The following LDLRAD4 variants were observed in gnomAD, a reference collection of about 807,000 sequenced individuals.
LDLRAD4 encodes the protein low-density lipoprotein receptor class A domain-containing protein 4.
A neutral mutation model predicts 17.0 loss-of-function variants in LDLRAD4; 5 were observed. That is an observed-to-expected ratio of 0.29 (90% CI 0.15 to 0.62). The LOEUF is 0.62. LDLRAD4 is among the 20% of genes least tolerant of loss of function. The probability of loss-of-function intolerance (pLI) is 0.84; values close to 1 mark genes in which losing one functional copy is unlikely to be tolerated. For missense variants in LDLRAD4, 340 were observed against 424.7 expected (o/e 0.80, Z 1.75); for synonymous variants, 168 against 171.8 (o/e 0.98, Z 0.17).
At chr18:13,412,055 G>A (rs2088418377) in intron 2 of LDLRAD4, among the ~76,000 whole-genome samples, 1 of 152,104 alleles carries the variant, frequency 6.6e-6, no homozygotes, top group South Asian at 2.1e-4. Context: ...TGTTGCCCAG[G>A]CTGGTCTCAA....
intron 2 of LDLRAD4, among the ~76,000 whole-genome samples, chr18:13,389,970 C>T (rs1263693033): frequency 6.6e-6 from 1 of 151,800 alleles, no homozygotes; most frequent in Non-Finnish European, 1.5e-5. Context: ...CTTGTAGCTC[C>T]TCCCCAGCTC....
At chr18:13,453,262 G>C (rs2091944429) in intron 3 of LDLRAD4, among the ~76,000 whole-genome samples, 1 of 152,134 alleles carries the variant, frequency 6.6e-6, no homozygotes, top group Non-Finnish European at 1.5e-5. Flanking sequence ...CCCGTGAACT[G>C]GTGTCCTGCT....
chr18:13,574,816 C>T (rs992582224), intron 3 of LDLRAD4, among the ~76,000 whole-genome samples: 5 of 152,228 alleles, frequency 3.3e-5, no homozygotes, highest in African/African-American at 9.6e-5. Context: ...ATGTTCCAAG[C>T]TGTAGCCAAA....
At chr18:13,475,372 G>C (rs1187864849) in intron 3 of LDLRAD4, among the ~76,000 whole-genome samples, 3 of 151,788 alleles carry the variant, frequency 2.0e-5, no homozygotes, top group Non-Finnish European at 2.9e-5. Context: ...AGGAATCCTT[G>C]TGGCTCAGCC....
At chr18:13,261,636 C>T (rs1269692494) in intron 1 of LDLRAD4, among the ~76,000 whole-genome samples, 6 of 152,070 alleles carry the variant, frequency 3.9e-5, no homozygotes, top group Non-Finnish European at 7.3e-5. Flanking sequence ...ATCAACCGTG[C>T]GGTTAGAAAC....
rs376876761 is a variant in LDLRAD4, at chr18:13,351,078, T to C, written c.-382-36263T>C. ...TCAGGTAGCATGATGCCTCCAGCTT[T>C]GTTCTTTTTGCTTAGGATTGTCTTG... On this transcript the variant is annotated intron_variant, in intron 1 of 5. Coordinates refer to ENST00000359446, the Ensembl canonical transcript of LDLRAD4. Among the ~76,000 whole-genome samples the C allele has an allele frequency of 1.5e-4, 23 of 152,340 alleles. No individual in the cohort carries two copies. The East Asian group carries it at 4.0e-3, about 27-fold the overall frequency.
At chr18:13,218,704 G>T (rs935056967), upstream of LDLRAD4, 1 of 152,220 alleles carries the variant, frequency 6.6e-6, no homozygotes, top group Admixed American at 6.5e-5. Flanking sequence ...CCCCGCGCGC[G>T]TTGACGTCGG....
At chr18:13,649,140 C>A (rs2043135442) in exon 6 of LDLRAD4, 1 of 152,134 alleles carries the variant, frequency 6.6e-6, no homozygotes, top group Non-Finnish European at 1.5e-5. Context: ...AATTTTGGCT[C>A]AAACTTATGA....
At position 13,642,744 on chromosome 18, in the gene LDLRAD4, T is replaced by A. The variant is rs1171393249; in HGVS notation, c.337-615T>A. Reference sequence around the variant, plus strand: ...CGGTTGGACAGTCATCTTGAATGTATTTCAAGCACACAGGTGTAGAGAGTG... The same window carrying A: ...CGGTTGGACAGTCATCTTGAATGTAATTCAAGCACACAGGTGTAGAGAGTG... On this transcript the variant is annotated intron_variant, in intron 4 of 5. Transcript: ENST00000359446. 3 of 1,231,160 alleles carry A rather than the reference T, an allele frequency of 2.4e-6. No homozygotes were observed. In the African/African-American group the frequency reaches 4.7e-5, roughly 19 times the overall value. The allele number at this position is 1,231,160 out of a possible 1,614,324, so 76.3% of individuals were successfully genotyped here. A position where few individuals can be genotyped will look rare whatever the true frequency, so the allele number is the denominator to read the frequency against.
chr18:13,540,430 G>A (rs906212632), intron 3 of LDLRAD4, among the ~76,000 whole-genome samples: 1 of 152,170 alleles, frequency 6.6e-6, no homozygotes, highest in African/African-American at 2.4e-5. Context: ...TTTTCTGGAA[G>A]AAATGGGCAT....
intron 1 of LDLRAD4, among the ~76,000 whole-genome samples, chr18:13,232,168 G>A (rs961580935): frequency 1.4e-4 from 22 of 152,242 alleles, no homozygotes; most frequent in Admixed American, 2.6e-4. Flanking sequence ...TGGGGCCACC[G>A]CAGGGGCCTG....
At chr18:13,556,142 G>A (rs2094481160) in intron 3 of LDLRAD4, among the ~76,000 whole-genome samples, 1 of 152,168 alleles carries the variant, frequency 6.6e-6, no homozygotes, top group Non-Finnish European at 1.5e-5. Flanking sequence ...AGTTCATCGT[G>A]TCTGGAAACT....
chr18:13,542,038 C>T (rs1295136967), intron 3 of LDLRAD4, among the ~76,000 whole-genome samples: 1 of 152,016 alleles, frequency 6.6e-6, no homozygotes, highest in Admixed American at 6.6e-5. Flanking sequence ...ATCATGCCAC[C>T]GCACTCCAGC....
chr18:13,648,167 T>G (rs1415319959), exon 6 of LDLRAD4: 1 of 152,234 alleles, frequency 6.6e-6, no homozygotes, highest in Non-Finnish European at 1.5e-5. Flanking sequence ...CAGTCCTTAC[T>G]TCTCTACCTG....
intron 1 of LDLRAD4, among the ~76,000 whole-genome samples, chr18:13,235,642 T>C (rs9944928): frequency 0.46 from 70,440 of 152,128 alleles, 16,869 homozygotes; most frequent in African/African-American, 0.59. Flanking sequence ...TTCATTCCTA[T>C]TGATGGCTTT....
chr18:13,245,094 G>A (rs964688675), intron 1 of LDLRAD4, among the ~76,000 whole-genome samples: 7 of 152,128 alleles, frequency 4.6e-5, no homozygotes, highest in Non-Finnish European at 1.0e-4. Flanking sequence ...CCCCTAAGTG[G>A]GAGCTGTGCC....
At chr18:13,326,798 T>A (rs1471302238) in intron 1 of LDLRAD4, among the ~76,000 whole-genome samples, 1 of 151,852 alleles carries the variant, frequency 6.6e-6, no homozygotes, top group African/African-American at 2.4e-5. Context: ...AGATGGAGTC[T>A]CGCTCTGTCA....
chr18:13,282,288 G>A (rs185805412), intron 1 of LDLRAD4, among the ~76,000 whole-genome samples: 1 of 152,122 alleles, frequency 6.6e-6, no homozygotes, highest in African/African-American at 2.4e-5. Context: ...CTTCCCAATA[G>A]TCCCCCAAAG....
intron 2 of LDLRAD4, among the ~76,000 whole-genome samples, chr18:13,417,003 T>C (rs974781249): frequency 6.6e-6 from 1 of 152,232 alleles, no homozygotes; most frequent in African/African-American, 2.4e-5. Flanking sequence ...TTAAGTGGCT[T>C]GCGCAAGATT....
Sources: gnomAD v4.1 joint callset for allele counts (sites outside exome capture counted in the v4.1 genomes callset) on GRCh38, gnomAD v4.1.1 for gene constraint, MANE v1.5 for transcripts, NCBI Gene and HGNC (gene_info 2026-07-23, HGNC 2026-07-21) for gene names.